PDGFD: variants seen among roughly 807,000 people sequenced by gnomAD.
PDGFD encodes platelet-derived growth factor D.
A neutral mutation model predicts 44.7 loss-of-function variants in PDGFD; 30 were observed. The ratio of observed to expected loss-of-function variants is 0.67; its 90% CI spans 0.50 to 0.91. The LOEUF (loss-of-function observed/expected upper bound fraction) is 0.91, where lower values mean the gene tolerates loss of function less well. PDGFD is among the 40% of genes least tolerant of loss of function. PDGFD has a pLI of 0.00. For synonymous variants in PDGFD, 173 were observed against 168.4 expected (o/e 1.03, Z -0.21); for missense variants, 445 against 457.8 (o/e 0.97, Z 0.25).
intron 1 of PDGFD, among the ~76,000 whole-genome samples, chr11:104,142,227 T>C (rs981547590): frequency 2.0e-5 from 3 of 152,210 alleles, no homozygotes; most frequent in Non-Finnish European, 4.4e-5. Context: ...TCTGGGTATA[T>C]GTATTCATGT....
intron 1 of PDGFD, among the ~76,000 whole-genome samples, chr11:104,057,739 A>T (rs531934445): frequency 3.3e-4 from 50 of 152,310 alleles, no homozygotes; most frequent in Non-Finnish European, 6.9e-4. Context: ...GTAAAACAAA[A>T]TGGAAGTCTC....
intron 1 of PDGFD, among the ~76,000 whole-genome samples, chr11:104,118,825 TA>T (rs1355527231): frequency 2.7e-5 from 1 of 37,266 alleles, no homozygotes; most frequent in Non-Finnish European, 5.3e-5. Context: ...TTATATATTA[TA>T]AATATTAATA....
intron 1 of PDGFD, among the ~76,000 whole-genome samples, chr11:104,146,984 C>A (rs1862171387): frequency 6.7e-6 from 1 of 148,446 alleles, no homozygotes; most frequent in Admixed American, 6.7e-5. Context: ...TTGGTACACA[C>A]CAGGCACCGG....
At chr11:104,093,853 CCT>C (rs1782255777) in intron 1 of PDGFD, among the ~76,000 whole-genome samples, 1 of 149,784 alleles carries the variant, frequency 6.7e-6, no homozygotes, top group Admixed American at 6.8e-5. Context: ...TTCTGTTCAT[CCT>C]CTCTCTTTCT....
At chr11:104,023,781 G>A (rs550063423) in intron 1 of PDGFD, among the ~76,000 whole-genome samples, 1 of 152,266 alleles carries the variant, frequency 6.6e-6, no homozygotes, top group East Asian at 1.9e-4. Flanking sequence ...AGGTTGGCAA[G>A]AAGTCTATCA....
At chr11:104,132,993 C>A (rs941840506) in intron 1 of PDGFD, among the ~76,000 whole-genome samples, 3 of 151,962 alleles carry the variant, frequency 2.0e-5, no homozygotes, top group African/African-American at 7.2e-5. Flanking sequence ...AATCAGAGAC[C>A]CTCTTCATCA....
intron 3 of PDGFD, among the ~76,000 whole-genome samples, chr11:103,970,718 A>T (rs1859090793): frequency 6.6e-6 from 1 of 152,162 alleles, no homozygotes; most frequent in Non-Finnish European, 1.5e-5. Flanking sequence ...GGGGTATATG[A>T]CACAAATTTC....
At chr11:104,126,884 C>G (rs967666923) in intron 1 of PDGFD, among the ~76,000 whole-genome samples, 1 of 148,110 alleles carries the variant, frequency 6.8e-6, no homozygotes, top group Non-Finnish European at 1.5e-5. Context: ...CGATGATACC[C>G]TCAGAGTAAA....
chr11:104,124,735 TA>T (rs1481164022), intron 1 of PDGFD, among the ~76,000 whole-genome samples: 2 of 152,026 alleles, frequency 1.3e-5, no homozygotes, highest in East Asian at 3.9e-4. Flanking sequence ...CTAAAGGCAC[TA>T]AAAAAATGAG....
At chr11:104,011,771 G>T (rs1026362012) in intron 1 of PDGFD, among the ~76,000 whole-genome samples, 1 of 151,998 alleles carries the variant, frequency 6.6e-6, no homozygotes, top group Admixed American at 6.6e-5. Context: ...AAAAGTGTTT[G>T]TGAAGATAAA....
intron 1 of PDGFD, among the ~76,000 whole-genome samples, chr11:104,092,955 C>G (rs1410200802): frequency 2.6e-5 from 4 of 152,124 alleles, no homozygotes; most frequent in Non-Finnish European, 5.9e-5. Context: ...TTTCCTGTGA[C>G]ATTAAACAAT....
At chr11:103,964,606 T>C (rs1197503153) in intron 3 of PDGFD, among the ~76,000 whole-genome samples, 1 of 152,148 alleles carries the variant, frequency 6.6e-6, no homozygotes, top group Non-Finnish European at 1.5e-5. Context: ...AACACTGCCC[T>C]ACCTACCCTG....
At chr11:104,094,980 T>G (rs1591160750) in intron 1 of PDGFD, among the ~76,000 whole-genome samples, 1 of 152,152 alleles carries the variant, frequency 6.6e-6, no homozygotes, top group African/African-American at 2.4e-5. Context: ...GCAATCACAC[T>G]GGTCTCCTTC....
chr11:104,105,595 A>G (rs190650186), intron 1 of PDGFD, among the ~76,000 whole-genome samples: 1 of 151,726 alleles, frequency 6.6e-6, no homozygotes, highest in Non-Finnish European at 1.5e-5. Context: ...TATTTTCCAA[A>G]CGCTTATTCA....
chr11:103,990,041 C>A (rs1372007411), intron 3 of PDGFD, among the ~76,000 whole-genome samples: 1 of 151,910 alleles, frequency 6.6e-6, no homozygotes, highest in Non-Finnish European at 1.5e-5. Flanking sequence ...CTTAGCTAAC[C>A]CTCTGGTTTT....
At chr11:103,929,960 A>T (rs1313268117) in intron 5 of PDGFD, among the ~76,000 whole-genome samples, 1 of 152,082 alleles carries the variant, frequency 6.6e-6, no homozygotes, top group Admixed American at 6.6e-5. Flanking sequence ...TTCCTGCATC[A>T]GTCTCCATAG....
At chr11:103,994,101 T>C (rs1002268905) in intron 3 of PDGFD, among the ~76,000 whole-genome samples, 2 of 152,204 alleles carry the variant, frequency 1.3e-5, no homozygotes, top group African/African-American at 2.4e-5. Context: ...AAGTATCCAT[T>C]CTCCCTTAAA....
intron 1 of PDGFD, among the ~76,000 whole-genome samples, chr11:104,145,520 T>A (rs1862149792): frequency 6.6e-6 from 1 of 152,242 alleles, no homozygotes; most frequent in South Asian, 2.1e-4. Flanking sequence ...TAAAATTTTG[T>A]AATCATTCTT....
intron 3 of PDGFD, among the ~76,000 whole-genome samples, chr11:103,976,958 G>T (rs778291437): frequency 4.6e-5 from 7 of 151,952 alleles, no homozygotes; most frequent in Non-Finnish European, 1.0e-4. Flanking sequence ...GAATAATAAA[G>T]AAGAAAAGAG....
Sources: gnomAD v4.1 joint callset for allele counts (sites outside exome capture counted in the v4.1 genomes callset) on GRCh38, gnomAD v4.1.1 for gene constraint, MANE v1.5 for transcripts, NCBI Gene and HGNC (gene_info 2026-07-23, HGNC 2026-07-21) for gene names.